Variants in NBEA observed in about 807,000 individuals in gnomAD.
NBEA encodes lysosomal-trafficking regulator 2.
In NBEA, 44 loss-of-function variants were observed where a neutral mutation model predicts 343.4. The ratio of observed to expected loss-of-function variants is 0.13; its 90% CI spans 0.10 to 0.16. NBEA has a LOEUF of 0.16. Among genes scored for constraint, NBEA ranks in the 10% least tolerant of loss-of-function variants. NBEA has a pLI of 1.00. For missense variants in NBEA, 2,555 were observed against 3,631.3 expected (o/e 0.70, Z 7.62); for synonymous variants, 1,175 against 1,238.7 (o/e 0.95, Z 1.08).
chr13:35,037,470 G>A lies in NBEA; in HGVS notation c.295-3463G>A, dbSNP rs180806200. On this transcript the variant is annotated intron_variant, in intron 1 of 58. Transcript: ENST00000379939. ...GTGTTAATGCTAGTAGATGTTCCTC[G>A]GTGCCTGGGCATTGAAGAGTTAGGT... Among the ~76,000 whole-genome samples the A allele has an allele frequency of 9.2e-5, 14 of 152,154 alleles. 1 individual carries two copies. The highest frequency in any genetic ancestry group is 2.4e-4 in the African/African-American group (10 of 41,532).
In NBEA at chr13:35,349,256, A is replaced by G. The variant is rs140611825; in HGVS notation, c.6012+40A>G. On this transcript the variant is annotated intron_variant, in intron 37 of 58. Coordinates refer to ENST00000379939, the MANE Select transcript of NBEA (RefSeq NM_001385012.1). ...GTAGACTAAATTCTGCCTTTCTATT[A>G]TAAGCCAAAAATCACCTATCTGTGA... 1.2e-3 allele frequency: 1,512 copies of G among 1,250,572 alleles called. 20 individuals are homozygous for G. The African/African-American group carries it at 0.02, about 17-fold the overall frequency. The allele number at this position is 1,250,572 out of a possible 1,614,324, so 77.5% of individuals were successfully genotyped here. A position where few individuals can be genotyped will look rare whatever the true frequency, so the allele number is the denominator to read the frequency against.
chr13:35,166,772 A>T (rs1407807906), intron 24 of NBEA, among the ~76,000 whole-genome samples: 1 of 152,088 alleles, frequency 6.6e-6, no homozygotes, highest in Non-Finnish European at 1.5e-5. Flanking sequence ...AGAAGTTGTA[A>T]CATAGCAGAG....
chr13:35,452,057 A>G (rs1469405869), intron 39 of NBEA, 35 bp from the exon 40 acceptor site: 1 of 1,503,860 alleles, frequency 6.6e-7, no homozygotes, highest in East Asian at 2.3e-5. Flanking sequence ...AAACAATCAT[A>G]ATAACCTAAA....
At chr13:35,302,356 T>A (rs2036611040) in intron 35 of NBEA, among the ~76,000 whole-genome samples, 1 of 152,194 alleles carries the variant, frequency 6.6e-6, no homozygotes. Context: ...TTGGTAACAT[T>A]TTTGTGACCT....
At chr13:35,549,561 G>C (rs1445007880) in intron 41 of NBEA, among the ~76,000 whole-genome samples, 1 of 152,106 alleles carries the variant, frequency 6.6e-6, no homozygotes, top group African/African-American at 2.4e-5. Context: ...TGCTTGCTGT[G>C]ATTGTTTCAG....
Position 35,114,374 on chromosome 13 carries a change from A to G in NBEA, c.2003-3040A>G, listed in dbSNP as rs2066391750. 2.0e-5 allele frequency among the ~76,000 whole-genome samples: 3 copies of G among 152,144 alleles called. No homozygotes were observed. The South Asian group carries it at 6.2e-4, about 31-fold the overall frequency. On this transcript the variant is annotated intron_variant, in intron 13 of 58. Coordinates refer to ENST00000379939, the MANE Select transcript of NBEA (RefSeq NM_001385012.1). ...CTCCTATTGTCTTTAATATATTTATATATTTTCTTATTCTACTTTATAAAA... is the reference window on the plus strand; with the variant it reads ...CTCCTATTGTCTTTAATATATTTATGTATTTTCTTATTCTACTTTATAAAA...
chr13:35,136,414 T>A (rs1273589140), intron 17 of NBEA, among the ~76,000 whole-genome samples: 1 of 152,220 alleles, frequency 6.6e-6, no homozygotes, highest in African/African-American at 2.4e-5. Flanking sequence ...TATTAACTTA[T>A]CACACTGAGG....
In NBEA at chr13:35,244,332, T is replaced by C. The variant is rs184416907; in HGVS notation, c.5776+11713T>C. 9.2e-4 allele frequency among the ~76,000 whole-genome samples: 140 copies of C among 152,136 alleles called. 2 individuals are homozygous for C. Among genetic ancestry groups the C allele is most frequent in the Admixed American group, 9.0e-3 (138 of 15,284 alleles). On this transcript the variant is annotated intron_variant, in intron 34 of 58. Coordinates refer to ENST00000379939, the MANE Select transcript of NBEA (RefSeq NM_001385012.1). ...GGATCAAGTTTTATTCTCCTACATG[T>C]GAATAGCCAATTATCCCAGCACCAT...
chr13:35,195,105 T>C (rs2152741228), intron 30 of NBEA, among the ~76,000 whole-genome samples: 1 of 152,254 alleles, frequency 6.6e-6, no homozygotes. Flanking sequence ...ATTTCAGATA[T>C]TATTAGTTAT....
At chr13:35,120,219 G>A (rs2066721674) in intron 16 of NBEA, among the ~76,000 whole-genome samples, 1 of 152,144 alleles carries the variant, frequency 6.6e-6, no homozygotes, top group Non-Finnish European at 1.5e-5. Context: ...AATTGAGAGT[G>A]CTATTTGGTA....
At chr13:35,498,253 T>G (rs2076757267) in intron 41 of NBEA, among the ~76,000 whole-genome samples, 1 of 152,064 alleles carries the variant, frequency 6.6e-6, no homozygotes. Context: ...ATTGCTAATC[T>G]TGTTTTTTTA....
chr13:35,391,119 A>G (rs1475486556), intron 38 of NBEA, among the ~76,000 whole-genome samples: 2 of 152,094 alleles, frequency 1.3e-5, no homozygotes, highest in Admixed American at 6.6e-5. Context: ...TACTAAAAAT[A>G]TAAAAATTTG....
chr13:34,993,769 C>T (rs1383546464), intron 1 of NBEA, among the ~76,000 whole-genome samples: 1 of 152,136 alleles, frequency 6.6e-6, no homozygotes, highest in Admixed American at 6.5e-5. Flanking sequence ...TAGTCTGTTA[C>T]AAAAATTTTC....
chr13:35,171,492 C>T, intron 26 of NBEA, 40 bp downstream of exon 26: 1 of 1,530,598 alleles, frequency 6.5e-7, no homozygotes, highest in Non-Finnish European at 8.9e-7. Flanking sequence ...AAATAATTAT[C>T]TACAGAGCAG....
chr13:35,263,119 CA>C (rs1456078487), intron 34 of NBEA, among the ~76,000 whole-genome samples: 15 of 152,120 alleles, frequency 9.9e-5, no homozygotes, highest in African/African-American at 3.1e-4. Flanking sequence ...TGGAATGAAA[CA>C]GACATATAAA....
At chr13:35,058,206 A>G (rs2063338566) in intron 7 of NBEA, among the ~76,000 whole-genome samples, 1 of 152,110 alleles carries the variant, frequency 6.6e-6, no homozygotes, top group South Asian at 2.1e-4. Flanking sequence ...CTACTCATAT[A>G]TGAGAAGCGA....
chr13:35,451,049 T>C (rs965390670), intron 39 of NBEA, among the ~76,000 whole-genome samples: 7 of 152,236 alleles, frequency 4.6e-5, no homozygotes, highest in Admixed American at 4.6e-4. Flanking sequence ...TAATGCCAGG[T>C]CAAATCTTGC....
intron 40 of NBEA, among the ~76,000 whole-genome samples, chr13:35,453,860 A>G (rs2046425642): frequency 6.6e-6 from 1 of 152,164 alleles, no homozygotes; most frequent in Non-Finnish European, 1.5e-5. Context: ...TATTTTTATA[A>G]GAAAACATCC....
chr13:35,185,453 A>C, intron 30 of NBEA: 1 of 152,168 alleles, frequency 6.6e-6, no homozygotes, highest in Non-Finnish European at 1.5e-5. Flanking sequence ...CAGCATGATG[A>C]AATGAAGGGA....
Sources: allele counts gnomAD v4.1 joint callset (sites outside exome capture counted in the v4.1 genomes callset), GRCh38; gene constraint gnomAD v4.1.1; transcripts MANE v1.5; gene names NCBI Gene and HGNC (gene_info 2026-07-23, HGNC 2026-07-21).